Variants in NKAIN2 observed in about 807,000 individuals in gnomAD.
The protein encoded by NKAIN2 is sodium/potassium-transporting ATPase subunit beta-1-interacting protein 2.
NKAIN2 carries 14 observed loss-of-function variants against 32.6 expected under a neutral mutation model. That is an observed-to-expected ratio of 0.43 (90% CI 0.28 to 0.67). NKAIN2 has a LOEUF of 0.67. Among genes scored for constraint, NKAIN2 ranks in the 30% least tolerant of loss-of-function variants. The probability of loss-of-function intolerance (pLI) is 0.17; values close to 1 mark genes in which losing one functional copy is unlikely to be tolerated. For missense variants in NKAIN2, 198 were observed against 258.3 expected (o/e 0.77, Z 1.60); for synonymous variants, 80 against 87.2 (o/e 0.92, Z 0.46).
At chr6:124,518,352 G>C (rs1462796148) in intron 3 of NKAIN2, among the ~76,000 whole-genome samples, 4 of 151,690 alleles carry the variant, frequency 2.6e-5, no homozygotes, top group African/African-American at 9.7e-5. Flanking sequence ...TAGTACAAGT[G>C]TATTAGACCA....
At chr6:124,740,403 C>T (rs1055427286) in intron 4 of NKAIN2, among the ~76,000 whole-genome samples, 3 of 146,898 alleles carry the variant, frequency 2.0e-5, no homozygotes, top group Non-Finnish European at 4.5e-5. Flanking sequence ...CATATTTCAG[C>T]GAAGGAGACA....
At chr6:124,819,053 C>T (rs1781287740) in intron 6 of NKAIN2, 1 of 479,962 alleles carries the variant, frequency 2.1e-6, no homozygotes, top group Non-Finnish European at 2.7e-6. Flanking sequence ...AGCAGACATA[C>T]AATCAGAGCC....
At chr6:123,852,887 G>A (rs1239698240) in intron 1 of NKAIN2, among the ~76,000 whole-genome samples, 1 of 151,912 alleles carries the variant, frequency 6.6e-6, no homozygotes, top group Non-Finnish European at 1.5e-5. Flanking sequence ...GTGGTGCTCC[G>A]TGGAAATCTT....
At chr6:124,667,888 C>T (rs1194725774) in intron 4 of NKAIN2, among the ~76,000 whole-genome samples, 1 of 152,152 alleles carries the variant, frequency 6.6e-6, no homozygotes, top group Non-Finnish European at 1.5e-5. Flanking sequence ...GACATTCCTT[C>T]TGTACCTTTT....
chr6:123,837,343 A>T (rs915541199), intron 1 of NKAIN2, among the ~76,000 whole-genome samples: 1 of 152,074 alleles, frequency 6.6e-6, no homozygotes, highest in South Asian at 2.1e-4. Context: ...AGGTCCTACA[A>T]CCCTCTATCA....
chr6:124,176,058 A>C (rs1035009136), intron 1 of NKAIN2, among the ~76,000 whole-genome samples: 2 of 152,200 alleles, frequency 1.3e-5, no homozygotes, highest in African/African-American at 4.8e-5. Flanking sequence ...TAAAGGGAAT[A>C]TTGCAATGAA....
At chr6:124,358,911 A>C (rs1246122499) in intron 3 of NKAIN2, among the ~76,000 whole-genome samples, 1 of 151,322 alleles carries the variant, frequency 6.6e-6, no homozygotes, top group Non-Finnish European at 1.5e-5. Context: ...TTTAGGTCTA[A>C]CATTTAAGTC....
intron 3 of NKAIN2, among the ~76,000 whole-genome samples, chr6:124,578,882 C>G (rs1399914269): frequency 1.3e-5 from 2 of 151,998 alleles, no homozygotes; most frequent in South Asian, 4.1e-4. Context: ...AGAGAGATAG[C>G]AGGGTGGAGA....
chr6:123,814,090 T>A (rs555624742), intron 1 of NKAIN2, among the ~76,000 whole-genome samples: 2 of 152,300 alleles, frequency 1.3e-5, no homozygotes, highest in African/African-American at 4.8e-5. Context: ...GTAGTATTTA[T>A]GAGTTTGCCT....
chr6:124,099,783 A>G (rs1784798641), intron 1 of NKAIN2, among the ~76,000 whole-genome samples: 1 of 152,168 alleles, frequency 6.6e-6, no homozygotes, highest in African/African-American at 2.4e-5. Flanking sequence ...ACATCTTACA[A>G]TGCACAGGAT....
At chr6:124,015,012 A>T (rs372773665) in intron 1 of NKAIN2, among the ~76,000 whole-genome samples, 25 of 152,086 alleles carry the variant, frequency 1.6e-4, no homozygotes, top group Non-Finnish European at 3.5e-4. Context: ...GTTTTTAGGG[A>T]TGGATGTTCT....
chr6:124,690,551 A>T (rs7774474), intron 4 of NKAIN2, among the ~76,000 whole-genome samples: 26,935 of 152,104 alleles, frequency 0.18, 2,798 homozygotes, highest in East Asian at 0.45. Flanking sequence ...ATTAAATATG[A>T]TGTAGCTTTT....
At chr6:124,816,761 G>GTT (rs1432693840) in intron 5 of NKAIN2, among the ~76,000 whole-genome samples, 1 of 152,138 alleles carries the variant, frequency 6.6e-6, no homozygotes, top group Non-Finnish European at 1.5e-5. Flanking sequence ...TGCTAGGAAA[G>GTT]AAGTAATGGG....
rs1368248214 is a variant in NKAIN2, at chr6:124,353,952, A to G, written c.193-1315A>G. Among the ~76,000 whole-genome samples the G allele has an allele frequency of 2.0e-5, 3 of 152,296 alleles. No homozygotes were observed. In the East Asian group the frequency reaches 5.8e-4, roughly 29 times the overall value. ...TAAAGATGTTGGAACTCACCTAGAA[A>G]GGTTGGGAGCCATTGGCATTTGTTT... On this transcript the variant is annotated intron_variant, in intron 2 of 6. Coordinates refer to ENST00000368417, the MANE Select transcript of NKAIN2 (RefSeq NM_001040214.3).
At chr6:124,704,632 T>TGAGAAA (rs1163534414) in intron 4 of NKAIN2, among the ~76,000 whole-genome samples, 1 of 142,874 alleles carries the variant, frequency 7.0e-6, no homozygotes, top group African/African-American at 2.6e-5. Context: ...GAGAGAGGAG[T>TGAGAAA]GAGAAAGAGA....
At chr6:123,905,683 T>C (rs2114433153) in intron 1 of NKAIN2, among the ~76,000 whole-genome samples, 1 of 152,202 alleles carries the variant, frequency 6.6e-6, no homozygotes, top group East Asian at 1.9e-4. Context: ...TTGATGAGCT[T>C]GCATAATGTA....
At chr6:124,464,009 GTCTT>G (rs1776641130) in intron 3 of NKAIN2, among the ~76,000 whole-genome samples, 1 of 152,026 alleles carries the variant, frequency 6.6e-6, no homozygotes, top group African/African-American at 2.4e-5. Context: ...TTGTGACAAA[GTCTT>G]ACTTTGTCAC....
At chr6:124,446,531 C>T (rs556233506) in intron 3 of NKAIN2, among the ~76,000 whole-genome samples, 32 of 152,020 alleles carry the variant, frequency 2.1e-4, no homozygotes, top group African/African-American at 6.5e-4. Flanking sequence ...TTGATAGAGA[C>T]GGGGTTTTGC....
intron 3 of NKAIN2, among the ~76,000 whole-genome samples, chr6:124,555,885 A>T (rs2114878627): frequency 6.6e-6 from 1 of 152,304 alleles, no homozygotes. Context: ...TCTTTATCCA[A>T]GTTAAGTGAA....
Sources: allele counts gnomAD v4.1 joint callset (sites outside exome capture counted in the v4.1 genomes callset), GRCh38; gene constraint gnomAD v4.1.1; transcripts MANE v1.5; gene names NCBI Gene and HGNC (gene_info 2026-07-23, HGNC 2026-07-21).